VWC2L: variants seen among roughly 807,000 people sequenced by gnomAD.
The protein encoded by VWC2L is von Willebrand factor C domain-containing protein 2-like.
In VWC2L, 10 loss-of-function variants were observed where a neutral mutation model predicts 21.6. The observed-to-expected ratio is 0.46, with a 90% CI of 0.29 to 0.78. VWC2L has a LOEUF of 0.78. Ranked by LOEUF, VWC2L falls within the 30% of genes least tolerant of loss-of-function variation. The pLI is 0.10. For synonymous variants in VWC2L, 96 were observed against 94.3 expected, an observed-to-expected ratio of 1.02 and a Z score of -0.10; for missense variants, 209 against 277.1, an observed-to-expected ratio of 0.75 and a Z score of 1.74.
intron 3 of VWC2L, among the ~76,000 whole-genome samples, chr2:214,463,817 A>C (rs936628167): frequency 4.6e-5 from 7 of 152,042 alleles, no homozygotes; most frequent in Non-Finnish European, 8.8e-5. Flanking sequence ...GATACTTTCT[A>C]GATCTTGTAG....
intron 3 of VWC2L, among the ~76,000 whole-genome samples, chr2:214,555,068 T>C (rs908496090): frequency 2.0e-5 from 3 of 152,212 alleles, no homozygotes; most frequent in African/African-American, 7.2e-5. Context: ...TTTAGCTACA[T>C]AACAAGAACC....
At chr2:214,564,053 G>T (rs546110284) in intron 3 of VWC2L, among the ~76,000 whole-genome samples, 1 of 152,212 alleles carries the variant, frequency 6.6e-6, no homozygotes, top group African/African-American at 2.4e-5. Flanking sequence ...AATCATGAAT[G>T]AACTCCCATT....
chr2:214,536,665 T>G (rs1689535977), intron 3 of VWC2L: 1 of 152,080 alleles, frequency 6.6e-6, no homozygotes, highest in Admixed American at 6.6e-5. Context: ...TATAAAAGTA[T>G]TTTACCTTCA....
chr2:214,563,197 T>C (rs1432690505), intron 3 of VWC2L, among the ~76,000 whole-genome samples: 2 of 152,130 alleles, frequency 1.3e-5, no homozygotes, highest in African/African-American at 2.4e-5. Flanking sequence ...CTCAGCACCA[T>C]TTATTAAATA....
intron 3 of VWC2L, among the ~76,000 whole-genome samples, chr2:214,481,885 C>T (rs1688607814): frequency 6.6e-6 from 1 of 152,158 alleles, no homozygotes; most frequent in African/African-American, 2.4e-5. Flanking sequence ...GATGCCACTT[C>T]CCAGATACTG....
chr2:214,559,839 C>T (rs1689938577), intron 3 of VWC2L, among the ~76,000 whole-genome samples: 1 of 152,140 alleles, frequency 6.6e-6, no homozygotes, highest in African/African-American at 2.4e-5. Context: ...GGCCTCAAGC[C>T]ATCCTCCAAC....
At chr2:214,415,560 A>G (rs1342818896) in intron 2 of VWC2L, among the ~76,000 whole-genome samples, 2 of 152,144 alleles carry the variant, frequency 1.3e-5, no homozygotes, top group Admixed American at 1.3e-4. Flanking sequence ...AGACATTTCC[A>G]TTATTAGCAC....
At chr2:214,521,551 C>A (rs1357081203) in intron 3 of VWC2L, among the ~76,000 whole-genome samples, 2 of 152,204 alleles carry the variant, frequency 1.3e-5, no homozygotes, top group Admixed American at 1.3e-4. Flanking sequence ...TAACTGTCTG[C>A]CCCAAATAAG....
In VWC2L at chr2:214,414,119, C is replaced by T. The variant is rs1415884283; in HGVS notation, c.-75C>T. 2.1e-6 allele frequency: 3 copies of T among 1,448,170 alleles called. No individual in the cohort carries two copies. The highest frequency in any genetic ancestry group is 2.9e-5 in the African/African-American group (2 of 69,604). The allele number at this position is 1,448,170 out of a possible 1,614,324, so 89.7% of individuals were successfully genotyped here. A position where few individuals can be genotyped will look rare whatever the true frequency, so the allele number is the denominator to read the frequency against. ...TTTTAAATATTTATTTTCAGCCTAC[C>T]CCTCTTGTATTCCCATGGAAGGAGC... On this transcript the variant is annotated 5_prime_UTR_variant, in exon 2 of 4. Transcript: ENST00000312504.
At chr2:214,567,025 TA>T (rs1451880910) in intron 3 of VWC2L, among the ~76,000 whole-genome samples, 2 of 152,146 alleles carry the variant, frequency 1.3e-5, no homozygotes, top group African/African-American at 4.8e-5. Flanking sequence ...CTCTGCCAAA[TA>T]AATATAGGAT....
chr2:214,558,824 TTA>T (rs1491480996), intron 3 of VWC2L, among the ~76,000 whole-genome samples: 3 of 152,098 alleles, frequency 2.0e-5, no homozygotes, highest in African/African-American at 7.2e-5. Context: ...TTTTTTTTTT[TTA>T]AATTTATGCT....
chr2:214,414,010 T>TC, intron 1 of VWC2L, 104 bp from the exon 2 acceptor site: 2 of 616,288 alleles, frequency 3.2e-6, no homozygotes, highest in Admixed American at 3.7e-5. Context: ...TTTGAGGACT[T>TC]AGTATCTTCA....
At chr2:214,491,081 G>C (rs1477300222) in intron 3 of VWC2L, among the ~76,000 whole-genome samples, 1 of 152,134 alleles carries the variant, frequency 6.6e-6, no homozygotes, top group South Asian at 2.1e-4. Context: ...GTGATTTAAG[G>C]GTTCTGCAAG....
rs781774148 is a variant in VWC2L, at chr2:214,414,146, G to A, written c.-48G>A. On this transcript the variant is annotated 5_prime_UTR_variant, in exon 2 of 4. Coordinates refer to ENST00000312504, the MANE Select transcript of VWC2L (RefSeq NM_001080500.4). ...CTCTTGTATTCCCATGGAAGGAGCT[G>A]AGTATATTTAATATTAGGAGCACAT... The A allele has an allele frequency of 1.3e-6, 2 of 1,567,502 alleles. No homozygotes were observed. The highest frequency in any genetic ancestry group is 1.7e-6 in the Non-Finnish European group (2 of 1,164,524).
chr2:214,561,040 T>C (rs1313931552), intron 3 of VWC2L, among the ~76,000 whole-genome samples: 1 of 152,202 alleles, frequency 6.6e-6, no homozygotes, highest in Admixed American at 6.5e-5. Context: ...TGGTTTCCAA[T>C]GTTAGGGTTT....
Position 214,515,137 on chromosome 2 carries a change from C to T in VWC2L, c.521-60535C>T, listed in dbSNP as rs553938560. 4.5e-4 allele frequency among the ~76,000 whole-genome samples: 68 copies of T among 152,264 alleles called. 2 individuals are homozygous for T. The South Asian group carries it at 0.013, about 30-fold the overall frequency. On this transcript the variant is annotated intron_variant, in intron 3 of 3. Transcript: ENST00000312504. ...GCCATAAAATTAAAGGTTAGGATTG[C>T]AGCTCTATCTGTCCTCGGAATGAGA...
At chr2:214,432,652 A>T (rs566019907) in intron 2 of VWC2L, among the ~76,000 whole-genome samples, 1 of 152,320 alleles carries the variant, frequency 6.6e-6, no homozygotes, top group South Asian at 2.1e-4. Context: ...TTGCTCTATT[A>T]ACTATACTGT....
chr2:214,574,236 T>C (rs951530899), intron 3 of VWC2L, among the ~76,000 whole-genome samples: 1 of 152,094 alleles, frequency 6.6e-6, no homozygotes, highest in Non-Finnish European at 1.5e-5. Flanking sequence ...GACCCTTATT[T>C]CCCTCCTGCT....
At chr2:214,476,525 T>G (rs957161852) in intron 3 of VWC2L, among the ~76,000 whole-genome samples, 31 of 152,174 alleles carry the variant, frequency 2.0e-4, no homozygotes, top group African/African-American at 7.2e-4. Flanking sequence ...CATACTCTGA[T>G]GTACCACAGG....
Sources: allele counts gnomAD v4.1 joint callset (sites outside exome capture counted in the v4.1 genomes callset), GRCh38; gene constraint gnomAD v4.1.1; transcripts MANE v1.5; gene names NCBI Gene and HGNC (gene_info 2026-07-23, HGNC 2026-07-21).